Variants in MYO1E observed in about 807,000 individuals in gnomAD.
MYO1E encodes myosin IE.
A neutral mutation model predicts 151.1 loss-of-function variants in MYO1E; 68 were observed. The observed-to-expected ratio is 0.45, with a 90% confidence interval of 0.37 to 0.55. MYO1E has a LOEUF of 0.55. Ranked by LOEUF, MYO1E falls within the 20% of genes least tolerant of loss-of-function variation. The pLI, the probability that MYO1E is intolerant of heterozygous loss-of-function variation, is 0.00. For synonymous variants in MYO1E, 601 were observed against 501.7 expected, an observed-to-expected ratio of 1.20 and a Z score of -2.64; for missense variants, 1,363 against 1,389.3, an observed-to-expected ratio of 0.98 and a Z score of 0.30.
intron 23 of MYO1E, among the ~76,000 whole-genome samples, chr15:59,161,771 G>A (rs1319558898): frequency 2.0e-5 from 3 of 152,114 alleles, no homozygotes; most frequent in Non-Finnish European, 4.4e-5. Context: ...ATAGAAGGCA[G>A]GATTTACCTG....
At chr15:59,188,258 T>C (rs747183131) in intron 17 of MYO1E, 42 bp from the exon 18 acceptor site, 1 of 1,511,772 alleles carries the variant, frequency 6.6e-7, no homozygotes, top group African/African-American at 1.4e-5. Context: ...TACTGGATAA[T>C]CCTTTCACTC....
chr15:59,160,811 C>G (rs764624926), intron 24 of MYO1E, among the ~76,000 whole-genome samples: 19 of 152,012 alleles, frequency 1.2e-4, no homozygotes, highest in Non-Finnish European at 2.8e-4. Flanking sequence ...AGCTAACAAA[C>G]TTTGATTTGT....
intron 1 of MYO1E, among the ~76,000 whole-genome samples, chr15:59,284,366 T>C (rs1403709632): frequency 6.6e-6 from 1 of 152,250 alleles, no homozygotes; most frequent in East Asian, 1.9e-4. Context: ...ATATTGCCCC[T>C]AAACACAGTT....
At chr15:59,275,985 G>C (rs768959753) in intron 1 of MYO1E, among the ~76,000 whole-genome samples, 1 of 152,150 alleles carries the variant, frequency 6.6e-6, no homozygotes, top group Non-Finnish European at 1.5e-5. Context: ...CGGTGTGGTG[G>C]GGCATTGTTA....
At chr15:59,252,024 A>T (rs183979059) in intron 4 of MYO1E, among the ~76,000 whole-genome samples, 1 of 152,388 alleles carries the variant, frequency 6.6e-6, no homozygotes, top group Admixed American at 6.5e-5. Flanking sequence ...ATACAATGCA[A>T]TGCAAATAAT....
At chr15:59,313,349 T>C (rs1261141469) in intron 1 of MYO1E, among the ~76,000 whole-genome samples, 3 of 152,156 alleles carry the variant, frequency 2.0e-5, no homozygotes, top group African/African-American at 4.8e-5. Context: ...TGAAGGATAT[T>C]TGGAAAAATT....
intron 1 of MYO1E, among the ~76,000 whole-genome samples, chr15:59,316,494 T>C (rs556169528): frequency 1.3e-5 from 2 of 152,320 alleles, no homozygotes; most frequent in East Asian, 3.9e-4. Flanking sequence ...AGCAGTATTA[T>C]AGAGAGAAGA....
chr15:59,324,697 C>T (rs1312865575), intron 1 of MYO1E, among the ~76,000 whole-genome samples: 4 of 149,172 alleles, frequency 2.7e-5, no homozygotes, highest in African/African-American at 5.0e-5. Context: ...TACAGCAGAG[C>T]CTGAGAATTA....
intron 23 of MYO1E, among the ~76,000 whole-genome samples, chr15:59,161,975 T>G (rs1596347048): frequency 1.3e-5 from 2 of 152,330 alleles, no homozygotes; most frequent in South Asian, 4.1e-4. Context: ...TTTTTGTAGC[T>G]AGGAAAAGAT....
intron 7 of MYO1E, among the ~76,000 whole-genome samples, chr15:59,225,661 T>G (rs1258463216): frequency 2.6e-5 from 4 of 151,122 alleles, no homozygotes; most frequent in African/African-American, 9.7e-5. Flanking sequence ...TTTTTTTTTT[T>G]TTTGAGACGG....
At chr15:59,173,059 A>C (rs1349434893) in intron 21 of MYO1E, among the ~76,000 whole-genome samples, 1 of 152,254 alleles carries the variant, frequency 6.6e-6, no homozygotes, top group Non-Finnish European at 1.5e-5. Context: ...ATTAGGACCA[A>C]GACTTTATCA....
rs142697063 is a variant in MYO1E, at chr15:59,183,592, T to C, written c.1904+4526A>G. 3.5e-3 allele frequency among the ~76,000 whole-genome samples: 537 copies of C among 152,282 alleles called. 3 individuals carry two copies. The highest frequency in any genetic ancestry group is 6.5e-3 in the Admixed American group (100 of 15,298). ...TTTCTTTTTTACTTTTTGCATGAGA[T>C]GTTTTGATACAGGCATGCAATGTGG... is the stretch of plus-strand genomic sequence containing the variant. On this transcript the variant is annotated intron_variant, in intron 18 of 27. Transcript: ENST00000288235.
intron 18 of MYO1E, among the ~76,000 whole-genome samples, chr15:59,178,797 C>T (rs929723055): frequency 1.3e-5 from 2 of 152,228 alleles, no homozygotes; most frequent in African/African-American, 2.4e-5. Flanking sequence ...TGAAAACCTG[C>T]GTACTCTTTC....
intron 1 of MYO1E, among the ~76,000 whole-genome samples, chr15:59,287,689 G>C (rs964093134): frequency 6.6e-6 from 1 of 152,180 alleles, no homozygotes; most frequent in Non-Finnish European, 1.5e-5. Context: ...ATGTCTGTGA[G>C]GGTTTCCTCC....
chr15:59,225,650 CTTT>C (rs113019199), intron 7 of MYO1E, among the ~76,000 whole-genome samples: 2 of 139,264 alleles, frequency 1.4e-5, no homozygotes, highest in Non-Finnish European at 1.5e-5. Context: ...CTTTTCTTTT[CTTT>C]TTTTTTTTTT....
chr15:59,197,388 G>C (rs551083539), intron 16 of MYO1E, among the ~76,000 whole-genome samples: 3 of 152,244 alleles, frequency 2.0e-5, no homozygotes, highest in East Asian at 1.9e-4. Context: ...AGAAAACATA[G>C]AGAGGCAAGT....
At chr15:59,300,024 G>C (rs1289732425) in intron 1 of MYO1E, among the ~76,000 whole-genome samples, 1 of 152,100 alleles carries the variant, frequency 6.6e-6, no homozygotes, top group Non-Finnish European at 1.5e-5. Flanking sequence ...TTAATGTAAT[G>C]TAAGATCTCC....
chr15:59,148,057 A>G (rs1411917489), intron 26 of MYO1E, among the ~76,000 whole-genome samples: 1 of 152,246 alleles, frequency 6.6e-6, no homozygotes, highest in African/African-American at 2.4e-5. Flanking sequence ...AATACAAAAT[A>G]ACTTTCAAAT....
intron 2 of MYO1E, among the ~76,000 whole-genome samples, chr15:59,267,530 C>T (rs1307113010): frequency 6.6e-6 from 1 of 152,212 alleles, no homozygotes; most frequent in African/African-American, 2.4e-5. Context: ...CTCCAGTGAA[C>T]TGGATGCCAA....
Sources: allele counts gnomAD v4.1 joint callset (sites outside exome capture counted in the v4.1 genomes callset), GRCh38; gene constraint gnomAD v4.1.1; transcripts MANE v1.5; gene names NCBI Gene and HGNC (gene_info 2026-07-23, HGNC 2026-07-21).